The following PCDHGA9 variants were observed in gnomAD, a reference collection of about 807,000 sequenced individuals.
The protein encoded by PCDHGA9 is protocadherin gamma-A9.
PCDHGA9 carries 37 observed loss-of-function variants against 62.5 expected under a neutral mutation model. The observed-to-expected ratio is 0.59, with a 90% CI of 0.46 to 0.78. The LOEUF is 0.78. Among genes scored for constraint, PCDHGA9 ranks in the 30% least tolerant of loss-of-function variants. The pLI is 0.00. For synonymous variants in PCDHGA9, 459 were observed against 484.6 expected (o/e 0.95, Z 0.69); for missense variants, 1,138 against 1,166.2 (o/e 0.98, Z 0.35).
intron 3 of PCDHGA9, among the ~76,000 whole-genome samples, 193 bp downstream of exon 3, chr5:141,505,674 G>C (rs1482125302): frequency 6.6e-6 from 1 of 152,192 alleles, no homozygotes; most frequent in East Asian, 1.9e-4. Context: ...GGGGTTGGGG[G>C]TCCTGGGATG....
At chr5:141,446,312 T>C (rs2098498076) in intron 1 of PCDHGA9, among the ~76,000 whole-genome samples, 1 of 152,208 alleles carries the variant, frequency 6.6e-6, no homozygotes, top group African/African-American at 2.4e-5. Flanking sequence ...GAGTGATTCC[T>C]GGGTTTCCAC....
At chr5:141,413,605 G>A in intron 1 of PCDHGA9, 1 of 1,613,854 alleles carries the variant, frequency 6.2e-7, no homozygotes, top group Non-Finnish European at 8.5e-7. Flanking sequence ...AAATCTAGAC[G>A]TAAAAATTAA....
intron 1 of PCDHGA9, among the ~76,000 whole-genome samples, chr5:141,492,336 A>G (rs1353947767): frequency 1.3e-5 from 2 of 152,072 alleles, no homozygotes; most frequent in East Asian, 3.9e-4. Context: ...TTACGCGAAT[A>G]CCAGCTTTCA....
Position 141,486,786 on chromosome 5 carries a change from G to A in PCDHGA9, c.2425-8021G>A, listed in dbSNP as rs1360545946. The A allele has an allele frequency of 1.9e-6, 3 of 1,614,090 alleles. No individual in the cohort carries two copies. The highest frequency in any genetic ancestry group is 2.2e-5 in the East Asian group (1 of 44,892). ...ACACTGCAGTTTGAGGTGCAGGCCC[G>A]GGATCGGGGCAACCCACCCCTTAGC... is the stretch of plus-strand genomic sequence containing the variant. On this transcript the variant is annotated intron_variant, in intron 1 of 3. Coordinates refer to ENST00000573521, the MANE Select transcript of PCDHGA9 (RefSeq NM_018921.3). This position sits in a 1 kb window ranked among gnomAD's most constrained non-coding sequence, Gnocchi z 5.0.
intron 1 of PCDHGA9, among the ~76,000 whole-genome samples, chr5:141,448,476 G>A (rs1002358317): frequency 1.3e-5 from 2 of 151,976 alleles, no homozygotes; most frequent in African/African-American, 4.8e-5. Flanking sequence ...TTCCACCCTT[G>A]CTTCCTCCTG....
At position 141,413,202 on chromosome 5, in the gene PCDHGA9, GGAATC is replaced by G. The variant is rs766359797; in HGVS notation, c.2424+7827_2424+7831del. 6.8e-6 allele frequency: 11 copies of G among 1,611,944 alleles called. No homozygotes were observed. The East Asian group carries it at 2.2e-4, about 33-fold the overall frequency. On this transcript the variant is annotated intron_variant, in intron 1 of 3. Coordinates refer to ENST00000573521, the MANE Select transcript of PCDHGA9 (RefSeq NM_018921.3). ...TGGCCGCTCAAAGGAATCGCTCAAAGGAATCAAAGGATTGCAGCGGGCTGGTCCTG... is the reference window on the plus strand; with the variant it reads ...TGGCCGCTCAAAGGAATCGCTCAAAGAAAGGATTGCAGCGGGCTGGTCCTG...
At chr5:141,417,680 A>G (rs1236124418) in intron 1 of PCDHGA9, 21 of 1,016,072 alleles carry the variant, frequency 2.1e-5, no homozygotes, top group Non-Finnish European at 2.9e-5. Context: ...AGCCAACAAC[A>G]GAAAAGAAAA....
chr5:141,478,635 A>T, intron 1 of PCDHGA9: 1 of 1,552,830 alleles, frequency 6.4e-7, no homozygotes, highest in Non-Finnish European at 8.7e-7. Context: ...TTTTTTAGTG[A>T]TGAAGATGTT....
intron 1 of PCDHGA9, chr5:141,422,608 T>A: frequency 5.0e-6 from 8 of 1,613,956 alleles, no homozygotes; most frequent in Non-Finnish European, 5.1e-6. Context: ...TTACTCTGCC[T>A]ACATTCCCGA....
At chr5:141,484,383 A>C (rs968059260) in intron 1 of PCDHGA9, among the ~76,000 whole-genome samples, 1 of 152,194 alleles carries the variant, frequency 6.6e-6, no homozygotes, top group Non-Finnish European at 1.5e-5. Context: ...ATGTCTGAAT[A>C]AGAAAGGTTT....
chr5:141,418,102 C>T (rs760484009), intron 1 of PCDHGA9: 15 of 1,614,014 alleles, frequency 9.3e-6, no homozygotes, highest in Non-Finnish European at 1.3e-5. Context: ...ACGCGCAGAG[C>T]GGGGACTTAC....
intron 2 of PCDHGA9, among the ~76,000 whole-genome samples, chr5:141,497,552 T>C (rs2099777669): frequency 6.6e-6 from 1 of 151,386 alleles, no homozygotes; most frequent in Non-Finnish European, 1.5e-5. Context: ...TTTTTTTTTT[T>C]TTTTTTAGAC....
chr5:141,409,033 A>C, intron 1 of PCDHGA9: 1 of 1,614,028 alleles, frequency 6.2e-7, no homozygotes, highest in South Asian at 1.1e-5. Context: ...ATGCTGAGAT[A>C]AACTACTACT....
chr5:141,468,222 G>A lies in PCDHGA9; in HGVS notation c.2425-26585G>A, dbSNP rs560663102. 2.6e-3 allele frequency among the ~76,000 whole-genome samples: 401 copies of A among 151,572 alleles called. 2 individuals are homozygous for A. Among genetic ancestry groups the A allele is most frequent in the South Asian group, 0.02 (97 of 4,782 alleles). ...TGCCTGTAATTCCAGCTACTTGGGA[G>A]GATGAGGTAGGAGAATTGCCTGAAC... On this transcript the variant is annotated intron_variant, in intron 1 of 3. Coordinates refer to ENST00000573521, the MANE Select transcript of PCDHGA9 (RefSeq NM_018921.3).
intron 1 of PCDHGA9, chr5:141,418,829 C>A: frequency 1.9e-6 from 3 of 1,613,856 alleles, no homozygotes; most frequent in Non-Finnish European, 1.7e-6. Context: ...AGCAAAAGAC[C>A]GAGGATCTCT....
chr5:141,448,449 T>A (rs528049717), intron 1 of PCDHGA9, among the ~76,000 whole-genome samples: 1 of 152,166 alleles, frequency 6.6e-6, no homozygotes, highest in Non-Finnish European at 1.5e-5. Context: ...CTGACTTCCA[T>A]CCCTATCCTA....
At chr5:141,422,887 C>T in intron 1 of PCDHGA9, 1 of 1,614,264 alleles carries the variant, frequency 6.2e-7, no homozygotes, top group Non-Finnish European at 8.5e-7. Context: ...CCTGTTCGTG[C>T]TGGACCAGAA....
intron 1 of PCDHGA9, chr5:141,407,971 G>T (rs1399304138): frequency 2.8e-6 from 2 of 717,762 alleles, no homozygotes; most frequent in Non-Finnish European, 4.3e-6. Context: ...AAGCGCTGAC[G>T]CCGGGGATCC....
intron 1 of PCDHGA9, among the ~76,000 whole-genome samples, chr5:141,434,259 G>A (rs1452016594): frequency 6.6e-6 from 1 of 152,230 alleles, no homozygotes; most frequent in Non-Finnish European, 1.5e-5. Flanking sequence ...CATTGTGGGG[G>A]AGGTGGAAAT....
Sources: gnomAD v4.1 joint callset for allele counts (sites outside exome capture counted in the v4.1 genomes callset) on GRCh38, gnomAD v4.1.1 for gene constraint, Gnocchi (gnomAD v3.1) non-coding constraint, MANE v1.5 for transcripts, NCBI Gene and HGNC (gene_info 2026-07-23, HGNC 2026-07-21) for gene names.